The following NALCN variants were observed in gnomAD, a reference collection of about 807,000 sequenced individuals.
NALCN encodes the protein sodium leak channel, non-selective, also known as sodium leak channel NALCN.
In NALCN, 111 loss-of-function variants were observed where a neutral mutation model predicts 225.3. That is an observed-to-expected ratio of 0.49 (90% CI 0.42 to 0.58). The LOEUF (loss-of-function observed/expected upper bound fraction) is 0.58. Among genes scored for constraint, NALCN ranks in the 20% least tolerant of loss-of-function variants. The probability of loss-of-function intolerance (pLI) is 0.00; values close to 1 mark genes in which losing one functional copy is unlikely to be tolerated. For synonymous variants in NALCN, 764 were observed against 769.0 expected, an observed-to-expected ratio of 0.99 and a Z score of 0.11; for missense variants, 1,378 against 2,202.4, an observed-to-expected ratio of 0.63 and a Z score of 7.49.
At chr13:101,147,620 C>T (rs749219381) in intron 15 of NALCN, among the ~76,000 whole-genome samples, 1 of 152,152 alleles carries the variant, frequency 6.6e-6, no homozygotes, top group Non-Finnish European at 1.5e-5. Flanking sequence ...CCCAGGCTGG[C>T]CTCAAACTCC....
At chr13:101,115,627 C>T (rs1376168242) in intron 18 of NALCN, among the ~76,000 whole-genome samples, 3 of 152,156 alleles carry the variant, frequency 2.0e-5, no homozygotes, top group Non-Finnish European at 4.4e-5. Context: ...TTACATTTTT[C>T]ATTAGTATTG....
intron 14 of NALCN, among the ~76,000 whole-genome samples, chr13:101,186,682 C>CT (rs1345405881): frequency 1.3e-5 from 2 of 151,626 alleles, no homozygotes; most frequent in Admixed American, 6.6e-5. Flanking sequence ...AACAGTTTAC[C>CT]TTTTTTGTGT....
At chr13:101,413,433 C>A (rs1009076376) in intron 1 of NALCN, among the ~76,000 whole-genome samples, 1 of 152,036 alleles carries the variant, frequency 6.6e-6, no homozygotes, top group Admixed American at 6.6e-5. Flanking sequence ...CAGCAAATGT[C>A]CAATGATAGA....
intron 17 of NALCN, among the ~76,000 whole-genome samples, chr13:101,129,848 T>C (rs1323433124): frequency 6.6e-6 from 1 of 151,978 alleles, no homozygotes; most frequent in Non-Finnish European, 1.5e-5. Context: ...ATTAGGTATT[T>C]CTCCTAATGC....
In NALCN at chr13:101,074,708, G is replaced by C. The variant is rs1343014356; in HGVS notation, c.3955-46C>G. On this transcript the variant is annotated intron_variant, in intron 35 of 43. Coordinates refer to ENST00000251127, the MANE Select transcript of NALCN (RefSeq NM_052867.4). ...GCGGGGAGACAGAGAGAGAGAGAGA[G>C]AGAGACAGAGACAGAGAGAGAGAGA... 104 of 1,522,382 alleles carry C rather than the reference G, an allele frequency of 6.8e-5. 1 individual carries two copies. The highest frequency in any genetic ancestry group is 6.9e-5 in the East Asian group (3 of 43,680). The allele number at this position is 1,522,382 out of a possible 1,614,324, so 94.3% of individuals were successfully genotyped here.
intron 27 of NALCN, among the ~76,000 whole-genome samples, chr13:101,099,302 C>T (rs951238907): frequency 2.0e-5 from 3 of 152,030 alleles, no homozygotes; most frequent in African/African-American, 7.3e-5. Context: ...CTTGGAATGT[C>T]TCTCCCAGTC....
At chr13:101,100,911 T>A in intron 26 of NALCN, 23 bp from the exon 27 acceptor site, 1 of 1,583,198 alleles carries the variant, frequency 6.3e-7, no homozygotes, top group Non-Finnish European at 8.6e-7. Context: ...GATGAAATGT[T>A]AAATCTCTTG....
chr13:101,205,663 C>T, intron 13 of NALCN, among the ~76,000 whole-genome samples: 1 of 152,226 alleles, frequency 6.6e-6, no homozygotes, highest in East Asian at 1.9e-4. Flanking sequence ...AACAGACTGT[C>T]AAGTTTCTTG....
chr13:101,412,104 G>A (rs146542001), intron 1 of NALCN, among the ~76,000 whole-genome samples: 85 of 152,258 alleles, frequency 5.6e-4, no homozygotes, highest in Non-Finnish European at 9.9e-4. Context: ...CAGGCTATAT[G>A]TAGATGTTGG....
intron 13 of NALCN, among the ~76,000 whole-genome samples, chr13:101,214,517 T>G (rs1306549909): frequency 6.6e-6 from 1 of 152,008 alleles, no homozygotes; most frequent in African/African-American, 2.4e-5. Flanking sequence ...TTAGTGAACC[T>G]CAGTTTCTCA....
intron 12 of NALCN, among the ~76,000 whole-genome samples, chr13:101,234,194 G>C (rs1168799509): frequency 2.0e-5 from 3 of 152,148 alleles, no homozygotes; most frequent in Non-Finnish European, 4.4e-5. Context: ...ATTCCTTTGT[G>C]TACTTCTTTG....
At chr13:101,302,770 C>T (rs574746896) in intron 7 of NALCN, among the ~76,000 whole-genome samples, 7 of 152,156 alleles carry the variant, frequency 4.6e-5, no homozygotes, top group Non-Finnish European at 8.8e-5. Flanking sequence ...TATAACTTCA[C>T]GTTTACATAT....
chr13:101,156,531 G>GTATA (rs137879353), intron 15 of NALCN, among the ~76,000 whole-genome samples: 1 of 149,042 alleles, frequency 6.7e-6, no homozygotes, highest in African/African-American at 2.5e-5. Flanking sequence ...ATGTATGCAG[G>GTATA]TATATATATA....
At chr13:101,090,299 T>C (rs2034161353) in intron 28 of NALCN, among the ~76,000 whole-genome samples, 1 of 152,210 alleles carries the variant, frequency 6.6e-6, no homozygotes, top group Admixed American at 6.5e-5. Context: ...ATTTCTACCT[T>C]GTCCTGATTA....
At position 101,259,357 on chromosome 13, in the gene NALCN, A is replaced by G. The variant is rs920048892; in HGVS notation, c.1135-783T>C. On this transcript the variant is annotated intron_variant, in intron 10 of 43. Coordinates refer to ENST00000251127, the MANE Select transcript of NALCN (RefSeq NM_052867.4). Reference sequence around the variant, plus strand: ...ATTATTATTATTATTATTTTGAGAAAGAGTCTCGCTCTCTCGCCCAGGCTA... The same window carrying G: ...ATTATTATTATTATTATTTTGAGAAGGAGTCTCGCTCTCTCGCCCAGGCTA... Among the ~76,000 whole-genome samples the G allele has an allele frequency of 3.3e-5, 5 of 152,042 alleles. No individual in the cohort carries two copies. In the East Asian group the frequency reaches 9.7e-4, roughly 29 times the overall value.
intron 15 of NALCN, among the ~76,000 whole-genome samples, chr13:101,154,062 C>G (rs1176424004): frequency 6.6e-6 from 1 of 152,164 alleles, no homozygotes; most frequent in Non-Finnish European, 1.5e-5. Context: ...CTCAGAATAA[C>G]AACTGGTAGG....
At chr13:101,115,353 A>G (rs2139664270) in intron 18 of NALCN, among the ~76,000 whole-genome samples, 1 of 152,292 alleles carries the variant, frequency 6.6e-6, no homozygotes, top group South Asian at 2.1e-4. Flanking sequence ...GAAAGCCAAG[A>G]GGGAGCAGAG....
At chr13:101,251,795 G>A (rs1042189491) in intron 11 of NALCN, among the ~76,000 whole-genome samples, 4 of 152,122 alleles carry the variant, frequency 2.6e-5, no homozygotes, top group Non-Finnish European at 5.9e-5. Context: ...AGCACGTTTT[G>A]CTTCATCAAT....
In NALCN at chr13:101,062,463, C is replaced by T. The variant is rs113907262; in HGVS notation, c.4605-345G>A. Among the ~76,000 whole-genome samples, 18 of 152,210 alleles carry T rather than the reference C, an allele frequency of 1.2e-4. 2 individuals are homozygous for T. Among genetic ancestry groups the T allele is most frequent in the Admixed American group, 3.9e-4 (6 of 15,292 alleles). The stretch of plus-strand genomic sequence containing the variant: ...GCGACTTTCTCTGCAGAAGGAAGAC[C>T]GCACCTCCCATACTTTCTTCACACT... On this transcript the variant is annotated intron_variant, in intron 40 of 43. Transcript: ENST00000251127.
Sources: gnomAD v4.1 joint callset for allele counts (sites outside exome capture counted in the v4.1 genomes callset) on GRCh38, gnomAD v4.1.1 for gene constraint, MANE v1.5 for transcripts, NCBI Gene and HGNC (gene_info 2026-07-23, HGNC 2026-07-21) for gene names.